The following SFSWAP variants were observed in gnomAD, a reference collection of about 807,000 sequenced individuals.
The protein encoded by SFSWAP is splicing factor, suppressor of white-apricot homolog.
In SFSWAP, 17 loss-of-function variants were observed where a neutral mutation model predicts 100.7. The ratio of observed to expected loss-of-function variants is 0.17; its 90% confidence interval spans 0.12 to 0.25. The LOEUF is 0.25. Among genes scored for constraint, SFSWAP ranks in the 10% least tolerant of loss-of-function variants. The pLI is 1.00. For synonymous variants in SFSWAP, 504 were observed against 510.1 expected (o/e 0.99, Z 0.16); for missense variants, 1,005 against 1,262.6 (o/e 0.80, Z 3.09).
chr12:131,769,787 C>T (rs570861584), intron 13 of SFSWAP, among the ~76,000 whole-genome samples: 119 of 152,158 alleles, frequency 7.8e-4, no homozygotes, highest in African/African-American at 1.8e-3. Context: ...CCACCACGCC[C>T]GGCTAATTTT....
In SFSWAP at chr12:131,731,824, T is replaced by C. The variant is rs149987577; in HGVS notation, c.1081+3396T>C. On this transcript the variant is annotated intron_variant, in intron 7 of 17. Coordinates refer to ENST00000261674, the MANE Select transcript of SFSWAP (RefSeq NM_004592.4). ...ATGAGGCTCAGAGCTACCTCTCAAA[T>C]TGGCATTTGGTTGATTTTTTTTCTC... is the stretch of plus-strand genomic sequence containing the variant. Among the ~76,000 whole-genome samples the C allele has an allele frequency of 1.8e-3, 269 of 152,172 alleles. 3 individuals are homozygous for C. The highest frequency in any genetic ancestry group is 0.013 in the South Asian group (63 of 4,828).
At chr12:131,748,429 G>A (rs1008639876) in intron 7 of SFSWAP, among the ~76,000 whole-genome samples, 9 of 152,082 alleles carry the variant, frequency 5.9e-5, no homozygotes, top group Admixed American at 4.6e-4. Context: ...CAAAGTGCTG[G>A]GATGACAGGT....
intron 7 of SFSWAP, among the ~76,000 whole-genome samples, chr12:131,737,851 C>G (rs1880179351): frequency 6.6e-6 from 1 of 151,920 alleles, no homozygotes; most frequent in African/African-American, 2.4e-5. Context: ...TTTCTAGAAG[C>G]TCATTAAATA....
chr12:131,731,115 G>A (rs985999584), intron 7 of SFSWAP, among the ~76,000 whole-genome samples: 3 of 152,206 alleles, frequency 2.0e-5, no homozygotes, highest in African/African-American at 7.2e-5. Context: ...CAGTTTCCAA[G>A]AAGAGCCAAG....
intron 7 of SFSWAP, among the ~76,000 whole-genome samples, chr12:131,740,883 G>A (rs1223026270): frequency 1.3e-5 from 2 of 150,866 alleles, no homozygotes; most frequent in Middle Eastern, 3.2e-3. Flanking sequence ...GCAGATGGTT[G>A]TAGACCCATG....
rs1878849121 is a variant in SFSWAP at position 131,725,295 on chromosome 12, T to C, written c.607-110T>C. 5 of 890,358 alleles carry C rather than the reference T, an allele frequency of 5.6e-6. No individual in the cohort carries two copies. In the Admixed American group the frequency reaches 6.0e-5, roughly 11 times the overall value. 55.2% of individuals were successfully genotyped at this position (890,358 alleles called of 1,614,324 possible). On this transcript the variant is annotated intron_variant, in intron 4 of 17. Transcript: ENST00000261674. The surrounding 1 kb of genome is among the most constrained non-coding windows in gnomAD (Gnocchi z 4.3). Reference sequence around the variant, plus strand: ...GGCTCTTCCAGCTTAAAGTCTCGTATCTCTTAAAATTGACAGTAAAACCAG... The same window carrying C: ...GGCTCTTCCAGCTTAAAGTCTCGTACCTCTTAAAATTGACAGTAAAACCAG...
At chr12:131,713,223 T>C (rs1195803609) in intron 1 of SFSWAP, 1 of 152,224 alleles carries the variant, frequency 6.6e-6, no homozygotes, top group Admixed American at 6.5e-5. Context: ...ATTTATTATC[T>C]GACAGTTACA....
intron 3 of SFSWAP, among the ~76,000 whole-genome samples, chr12:131,715,178 T>C (rs1243054629): frequency 6.6e-6 from 1 of 152,228 alleles, no homozygotes; most frequent in African/African-American, 2.4e-5. Flanking sequence ...TTATTTCTCA[T>C]TGATTCGGGT....
chr12:131,726,638 A>G (rs1879005544), intron 5 of SFSWAP, among the ~76,000 whole-genome samples: 1 of 152,214 alleles, frequency 6.6e-6, no homozygotes, highest in Non-Finnish European at 1.5e-5. Flanking sequence ...CTTTTCATAA[A>G]TCAGTACAAT....
intron 15 of SFSWAP, among the ~76,000 whole-genome samples, chr12:131,791,722 A>G (rs530805415): frequency 2.0e-5 from 3 of 152,374 alleles, no homozygotes; most frequent in Admixed American, 2.0e-4. Flanking sequence ...CCAGCCCGCG[A>G]CAGTGCAAGA....
rs553829427 is a variant in SFSWAP, at chr12:131,715,713, AAAG to A, written c.520+769_520+771del. Among the ~76,000 whole-genome samples the A allele has an allele frequency of 1.0e-3, 153 of 152,280 alleles. No homozygotes were observed. The Middle Eastern group carries it at 0.048, about 47-fold the overall frequency. On this transcript the variant is annotated intron_variant, in intron 3 of 17. Transcript: ENST00000261674. ...AGTATATTCAGGATATTCTGTTTAA[AAAG>A]AAGAAGAACATTAACTTAGAAACAT...
chr12:131,745,853 C>T (rs535578556), intron 7 of SFSWAP, among the ~76,000 whole-genome samples: 24 of 151,822 alleles, frequency 1.6e-4, no homozygotes, highest in Admixed American at 9.2e-4. Flanking sequence ...ATTGATCCAG[C>T]AGCCGAATAA....
intron 13 of SFSWAP, among the ~76,000 whole-genome samples, chr12:131,773,923 T>C (rs1257412618): frequency 6.6e-6 from 1 of 152,156 alleles, no homozygotes; most frequent in Non-Finnish European, 1.5e-5. Flanking sequence ...TTGAGGAGCT[T>C]ACCAGAATAG....
chr12:131,772,951 G>A (rs545848003), intron 13 of SFSWAP, among the ~76,000 whole-genome samples: 1 of 152,260 alleles, frequency 6.6e-6, no homozygotes, highest in East Asian at 1.9e-4. Flanking sequence ...CTGGAGTCTG[G>A]CCATCCCTCA....
At chr12:131,768,744 C>T (rs1192518269) in intron 13 of SFSWAP, among the ~76,000 whole-genome samples, 1 of 152,196 alleles carries the variant, frequency 6.6e-6, no homozygotes, top group Non-Finnish European at 1.5e-5. Flanking sequence ...ACAGCCTTTC[C>T]ACAGCTCTTC....
Position 131,778,558 on chromosome 12 carries a change from C to G in SFSWAP, c.2408+228C>G, listed in dbSNP as rs183403478. 2.8e-3 allele frequency among the ~76,000 whole-genome samples: 422 copies of G among 152,260 alleles called. 3 individuals are homozygous for G. Among genetic ancestry groups the G allele is most frequent in the Middle Eastern group, 0.017 (5 of 294 alleles). On this transcript the variant is annotated intron_variant, in intron 14 of 17. Transcript: ENST00000261674. The surrounding 1 kb of genome is among the most constrained non-coding windows in gnomAD (Gnocchi z 4.2). ...TTGAGACAGAGTTTTGTTCTTGTTG[C>G]CCAGGCTAGAGTGCAGTGGTGCGAT...
Position 131,711,163 on chromosome 12 carries a change from C to T in SFSWAP, c.-67C>T, listed in dbSNP as rs2136168675. 1 of 1,303,346 alleles carries T rather than the reference C, an allele frequency of 7.7e-7. No homozygotes were observed. The highest frequency in any genetic ancestry group is 1.0e-6 in the Non-Finnish European group (1 of 957,586). The allele number at this position is 1,303,346 out of a possible 1,614,324, so 80.7% of individuals were successfully genotyped here. A position where few individuals can be genotyped will look rare whatever the true frequency, so the allele number is the denominator to read the frequency against. Reference sequence around the variant, plus strand: ...GGGGTCTTTGACTGAAGGGGTAGGCCAAGTGGAGGTATCAGGGACGTCGCG... The same window carrying T: ...GGGGTCTTTGACTGAAGGGGTAGGCTAAGTGGAGGTATCAGGGACGTCGCG... On this transcript the variant is annotated 5_prime_UTR_variant, in exon 1 of 18. Transcript: ENST00000261674. This position sits in a 1 kb window ranked among gnomAD's most constrained non-coding sequence, Gnocchi z 4.9.
At chr12:131,721,806 G>T (rs1593111612) in intron 4 of SFSWAP, among the ~76,000 whole-genome samples, 1 of 152,148 alleles carries the variant, frequency 6.6e-6, no homozygotes, top group Admixed American at 6.5e-5. Context: ...TATCATTAGA[G>T]TTTCTTCTAA....
chr12:131,751,591 G>A (rs1881635564), intron 7 of SFSWAP, among the ~76,000 whole-genome samples: 1 of 152,286 alleles, frequency 6.6e-6, no homozygotes, highest in Admixed American at 6.5e-5. Flanking sequence ...GTGGGTGGAA[G>A]CAGCAGCTCC....
Sources: allele counts gnomAD v4.1 joint callset (sites outside exome capture counted in the v4.1 genomes callset), GRCh38; gene constraint gnomAD v4.1.1; non-coding constraint Gnocchi (gnomAD v3.1); transcripts MANE v1.5; gene names NCBI Gene and HGNC (gene_info 2026-07-23, HGNC 2026-07-21).